Variants in SLC47A1 observed in about 807,000 individuals in gnomAD.
The protein encoded by SLC47A1 is solute carrier family 47 member 1.
A neutral mutation model predicts 65.8 loss-of-function variants in SLC47A1; 58 were observed. The ratio of observed to expected loss-of-function variants is 0.88; its 90% CI spans 0.71 to 1.10. The LOEUF (loss-of-function observed/expected upper bound fraction) is 1.10, where lower values mean the gene tolerates loss of function less well. SLC47A1 is among the 50% of genes least tolerant of loss of function. SLC47A1 has a pLI of 0.00. For missense variants in SLC47A1, 706 were observed against 719.2 expected (o/e 0.98, Z 0.21); for synonymous variants, 285 against 295.0 (o/e 0.97, Z 0.35).
intron 1 of SLC47A1, chr17:19,534,303 G>C (rs1567963915): frequency 4.0e-6 from 2 of 503,926 alleles, no homozygotes; most frequent in Non-Finnish European, 6.6e-6. Context: ...GGCACTGCGG[G>C]AACGGCTGGT....
intron 16 of SLC47A1, among the ~76,000 whole-genome samples, chr17:19,575,301 C>T (rs978469707): frequency 2.6e-5 from 4 of 152,030 alleles, no homozygotes; most frequent in East Asian, 1.9e-4. Context: ...CACTTATGCT[C>T]ATTAGGAAGT....
At chr17:19,547,537 TA>T (rs1026836297) in intron 3 of SLC47A1, among the ~76,000 whole-genome samples, 3 of 151,000 alleles carry the variant, frequency 2.0e-5, no homozygotes, top group African/African-American at 4.9e-5. Context: ...AATTTTTTTT[TA>T]AAAAAAGGTA....
chr17:19,548,499 CTTT>C (rs11341022), intron 4 of SLC47A1, among the ~76,000 whole-genome samples: 24,115 of 123,510 alleles, frequency 0.2, 1,879 homozygotes, highest in East Asian at 0.41. Context: ...CAAGATTTTT[CTTT>C]TTTTTTTTTT....
chr17:19,565,601 G>C (rs1331148557), intron 12 of SLC47A1, among the ~76,000 whole-genome samples: 1 of 112,896 alleles, frequency 8.9e-6, no homozygotes, highest in Non-Finnish European at 1.7e-5. Context: ...TTTTTTTTGA[G>C]ATGGACTCTC....
intron 15 of SLC47A1, among the ~76,000 whole-genome samples, chr17:19,572,249 GT>G (rs1302317817): frequency 1.3e-5 from 2 of 152,090 alleles, no homozygotes; most frequent in Non-Finnish European, 2.9e-5. Context: ...ACCCTGTACT[GT>G]TCCCATCCCA....
rs936782366 is a variant in SLC47A1 at position 19,577,857 on chromosome 17, G to A, written c.*304G>A. The A allele has an allele frequency of 1.6e-6, 2 of 1,261,658 alleles. No individual in the cohort carries two copies. The highest frequency in any genetic ancestry group is 3.3e-5 in the Admixed American group (1 of 29,920). 78.2% of individuals were successfully genotyped at this position (1,261,658 alleles called of 1,614,324 possible). A position where few individuals can be genotyped will look rare whatever the true frequency, so the allele number is the denominator to read the frequency against. ...CTTTGATACTTCTGCTATTTTTTTA[G>A]ACACAAACCCATAAACTAACTGCTT... On this transcript the variant is annotated 3_prime_UTR_variant, in exon 17 of 17. Transcript: ENST00000270570.
rs532784362 is a variant in SLC47A1 at position 19,540,601 on chromosome 17, G to T, written c.136-1792G>T. Among the ~76,000 whole-genome samples the T allele has an allele frequency of 4.6e-5, 7 of 152,272 alleles. No individual in the cohort carries two copies. The South Asian group carries it at 6.2e-4, about 14-fold the overall frequency. ...TTACAGGCCTACTGGGCATCCATTG[G>T]CTCTAGGTTTAGATTCTCCAGCATC... On this transcript the variant is annotated intron_variant, in intron 1 of 16. Coordinates refer to ENST00000270570, the MANE Select transcript of SLC47A1 (RefSeq NM_018242.3).
At position 19,533,901 on chromosome 17, in the gene SLC47A1, G is replaced by T; in HGVS notation, c.-39G>T. On this transcript the variant is annotated 5_prime_UTR_variant, in exon 1 of 17. Coordinates refer to ENST00000270570, the MANE Select transcript of SLC47A1 (RefSeq NM_018242.3). ...ACTGCCGGCCTCCGCGGTACCCACT[G>T]CCGGCCTCCGCGCTACCCGGCCGCA... The T allele has an allele frequency of 1.4e-6, 2 of 1,457,178 alleles. No homozygotes were observed. The highest frequency in any genetic ancestry group is 2.7e-5 in the East Asian group (1 of 36,608). The allele number at this position is 1,457,178 out of a possible 1,614,324, so 90.3% of individuals were successfully genotyped here.
At position 19,577,354 on chromosome 17, in the gene SLC47A1, T is replaced by C; in HGVS notation, c.1514T>C (p.Leu505Ser). Reference sequence around the variant, plus strand: ...TGCCCTGAAAACCTTGAAGGAATTTTAACGAACGATGTTGGAAAGACAGGC... The same window carrying C: ...TGCCCTGAAAACCTTGAAGGAATTTCAACGAACGATGTTGGAAAGACAGGC... The part of the protein sequence containing the change: ...PGCPENLEGI[L>S]TNDVGKTGEP... The change falls in exon 17 of 17, where the codon TTA (leucine) becomes TCA (serine). Residue 505 changes from leucine (L) to serine (S), a missense_variant. Coordinates refer to ENST00000270570, the MANE Select transcript of SLC47A1 (RefSeq NM_018242.3). 6.2e-7 allele frequency: 1 copy of C among 1,614,180 alleles called. No homozygotes were observed. Among genetic ancestry groups the C allele is most frequent in the Non-Finnish European group, 8.5e-7 (1 of 1,180,024 alleles).
rs2084399390 is a variant in SLC47A1, at chr17:19,571,487, C to T, written c.1319C>T (p.Ser440Leu). 5 of 1,612,940 alleles carry T rather than the reference C, an allele frequency of 3.1e-6. No homozygotes were observed. The highest frequency in any genetic ancestry group is 4.2e-6 in the Non-Finnish European group (5 of 1,179,598). ...ATTLGVMGLWSGIIICTVFQA... is the reference protein window; with the variant it reads ...ATTLGVMGLWLGIIICTVFQA... ...ATATTTCTATTTCTAGGTCTGTGGT[C>T]AGGGATCATCATCTGTACAGTCTTT... The change falls in exon 15 of 17, where the codon TCA (serine) becomes TTA (leucine). Residue 440 changes from serine (S) to leucine (L), a missense_variant. Physicochemically the swap from Ser to Leu is moderately radical, Grantham distance 145 (BLOSUM62 -2). Coordinates refer to ENST00000270570, the MANE Select transcript of SLC47A1 (RefSeq NM_018242.3).
intron 14 of SLC47A1, among the ~76,000 whole-genome samples, chr17:19,570,302 C>T (rs956740203): frequency 6.6e-6 from 1 of 152,200 alleles, no homozygotes; most frequent in Non-Finnish European, 1.5e-5. Context: ...CAAGCAAAGT[C>T]TGTGTATTCT....
intron 12 of SLC47A1, among the ~76,000 whole-genome samples, chr17:19,563,017 C>A (rs1407098718): frequency 6.7e-6 from 1 of 150,178 alleles, no homozygotes; most frequent in Non-Finnish European, 1.5e-5. Context: ...CCAAGGAAAT[C>A]TAAAAATGTG....
At chr17:19,550,101 G>C (rs1916405203) in intron 5 of SLC47A1, among the ~76,000 whole-genome samples, 1 of 152,154 alleles carries the variant, frequency 6.6e-6, no homozygotes, top group Non-Finnish European at 1.5e-5. Flanking sequence ...TGAACAATGA[G>C]AGCTAAGTGG....
chr17:19,551,682 T>C (rs1043739900), intron 6 of SLC47A1, among the ~76,000 whole-genome samples: 1 of 152,236 alleles, frequency 6.6e-6, no homozygotes, highest in African/African-American at 2.4e-5. Flanking sequence ...ATATTATATT[T>C]GGCTCTGGAA....
At chr17:19,560,607 C>A (rs2084301595) in intron 12 of SLC47A1, 114 bp downstream of exon 12, 4 of 1,104,378 alleles carry the variant, frequency 3.6e-6, no homozygotes, top group Admixed American at 1.8e-5. Context: ...GAAATCATAT[C>A]AGTAAAAAGA....
chr17:19,574,674 AGGCTG>A (rs2084425011), intron 16 of SLC47A1, among the ~76,000 whole-genome samples: 1 of 152,198 alleles, frequency 6.6e-6, no homozygotes, highest in South Asian at 2.1e-4. Flanking sequence ...TCTGTCGCCC[AGGCTG>A]GAGTGCAGTG....
intron 1 of SLC47A1, among the ~76,000 whole-genome samples, chr17:19,537,992 T>A: frequency 6.6e-6 from 1 of 152,232 alleles, no homozygotes; most frequent in East Asian, 1.9e-4. Context: ...CCACAGCTCA[T>A]CATGCAAATG....
At chr17:19,534,116 T>C in intron 1 of SLC47A1, 42 bp downstream of exon 1, 2 of 1,479,448 alleles carry the variant, frequency 1.4e-6, no homozygotes, top group East Asian at 2.7e-5. Context: ...ACCGGCGGGC[T>C]GGGGACCTGG....
intron 2 of SLC47A1, among the ~76,000 whole-genome samples, chr17:19,542,759 C>T (rs1916181970): frequency 6.6e-6 from 1 of 151,108 alleles, no homozygotes; most frequent in African/African-American, 2.4e-5. Context: ...CTGTCTATCA[C>T]ATCTTCTCAT....
Sources: allele counts gnomAD v4.1 joint callset (sites outside exome capture counted in the v4.1 genomes callset), GRCh38; gene constraint gnomAD v4.1.1; transcripts MANE v1.5; gene names NCBI Gene and HGNC (gene_info 2026-07-23, HGNC 2026-07-21).